Variants in CPT1A observed in about 807,000 individuals in gnomAD.
CPT1A encodes carnitine palmitoyltransferase 1A, also known as carnitine O-palmitoyltransferase 1, liver isoform.
In CPT1A, 64 loss-of-function variants were observed where a neutral mutation model predicts 100.8. That is an observed-to-expected ratio of 0.63 (90% CI 0.52 to 0.78). CPT1A has a LOEUF of 0.78. Among genes scored for constraint, CPT1A ranks in the 30% least tolerant of loss-of-function variants. The pLI is 0.00. For synonymous variants in CPT1A, 363 were observed against 396.0 expected (o/e 0.92, Z 0.99); for missense variants, 802 against 1,034.1 (o/e 0.78, Z 3.08).
chr11:68,812,439 C>A lies in CPT1A; in HGVS notation c.279G>T (p.Thr93=), dbSNP rs375467139. 3.7e-6 allele frequency: 6 copies of A among 1,614,178 alleles called. No individual in the cohort carries two copies. The highest frequency in any genetic ancestry group is 5.1e-6 in the Non-Finnish European group (6 of 1,180,018). ...IIAKINRTLE[T]ANCMSSQTKN... is the part of the protein sequence containing the mutation. ...GGAGATTTCACAGGATTACTTACGC[C>A]GTTTCCAGAGTCCGATTGATTTTTG... The change falls in exon 3 of 19, where the codon ACG becomes ACT. Residue 93 remains threonine (T), a splice_region_variant and synonymous_variant. Transcript: ENST00000265641.
Position 68,755,092 on chromosome 11 carries a change from G to T in CPT1A, c.*2552C>A. The stretch of plus-strand genomic sequence containing the variant: ...CACCCCCCTTGGACATGTACAATAA[G>T]ACCCCTCTTTCTCCCCTCAAGGAAT... On this transcript the variant is annotated 3_prime_UTR_variant, in exon 19 of 19. Coordinates refer to ENST00000265641, the MANE Select transcript of CPT1A (RefSeq NM_001876.4). 1 of 493,716 alleles carries T rather than the reference G, an allele frequency of 2.0e-6. No homozygotes were observed. Among genetic ancestry groups the T allele is most frequent in the Non-Finnish European group, 3.6e-6 (1 of 276,566 alleles). The allele number at this position is 493,716 out of a possible 1,614,324, so 30.6% of individuals were successfully genotyped here. A position where few individuals can be genotyped will look rare whatever the true frequency, so the allele number is the denominator to read the frequency against.
chr11:68,837,509 C>G (rs537961629), intron 1 of CPT1A, among the ~76,000 whole-genome samples: 1 of 152,158 alleles, frequency 6.6e-6, no homozygotes, highest in Non-Finnish European at 1.5e-5. Flanking sequence ...AGAATAGGGA[C>G]GTGGTCTCGG....
intron 1 of CPT1A, among the ~76,000 whole-genome samples, chr11:68,825,661 C>T (rs1380653818): frequency 6.6e-6 from 1 of 152,002 alleles, no homozygotes; most frequent in African/African-American, 2.4e-5. Flanking sequence ...CAGTGCCCGC[C>T]TCCCCGAGTG....
chr11:68,823,969 G>A (rs770402232), intron 1 of CPT1A, among the ~76,000 whole-genome samples: 10 of 151,974 alleles, frequency 6.6e-5, no homozygotes, highest in Non-Finnish European at 1.2e-4. Flanking sequence ...GTGACAGGCC[G>A]GGTGCGGTGG....
At chr11:68,817,741 A>C (rs1338437898) in intron 1 of CPT1A, among the ~76,000 whole-genome samples, 1 of 99,216 alleles carries the variant, frequency 1.0e-5, no homozygotes. Flanking sequence ...GGGGTCAAGG[A>C]CAGGCTGTTG....
intron 5 of CPT1A, among the ~76,000 whole-genome samples, chr11:68,800,051 A>G (rs1405492399): frequency 6.6e-6 from 1 of 152,090 alleles, no homozygotes; most frequent in Non-Finnish European, 1.5e-5. Context: ...GTTCTGACCT[A>G]AGTAAGTTTT....
At chr11:68,812,690 G>A in intron 2 of CPT1A, 114 bp from the exon 3 acceptor site, 1 of 1,237,404 alleles carries the variant, frequency 8.1e-7, no homozygotes, top group Non-Finnish European at 1.2e-6. Flanking sequence ...AGAAGAGGGT[G>A]TGGACAGCGT....
intron 17 of CPT1A, among the ~76,000 whole-genome samples, chr11:68,760,009 C>G (rs983021109): frequency 2.0e-5 from 3 of 152,094 alleles, no homozygotes; most frequent in Non-Finnish European, 4.4e-5. Flanking sequence ...TTACTGCACT[C>G]CAGCCTGGGT....
At position 68,841,550 on chromosome 11, in the gene CPT1A, C is replaced by T. The variant is rs1857158988; in HGVS notation, c.-14+225G>A. Among the ~76,000 whole-genome samples, 1 of 152,206 alleles carries T rather than the reference C, an allele frequency of 6.6e-6. No homozygotes were observed. Among genetic ancestry groups the T allele is most frequent in the Admixed American group, 6.5e-5 (1 of 15,288 alleles). ...GACCGACCCCCGGTGGACCCTCAGACCCAATCCCCTGGGGAACATGGGGAG... is the reference window on the plus strand; with the variant it reads ...GACCGACCCCCGGTGGACCCTCAGATCCAATCCCCTGGGGAACATGGGGAG... On this transcript the variant is annotated intron_variant, in intron 1 of 18. Transcript: ENST00000265641. This position sits in a 1 kb window ranked among gnomAD's most constrained non-coding sequence, Gnocchi z 6.3.
chr11:68,763,462 CGT>C (rs1854694085), intron 14 of CPT1A, among the ~76,000 whole-genome samples: 1 of 152,002 alleles, frequency 6.6e-6, no homozygotes, highest in African/African-American at 2.4e-5. Context: ...AATTCCACTG[CGT>C]CTGGAAGATG....
chr11:68,811,065 T>A (rs958602755), intron 3 of CPT1A, among the ~76,000 whole-genome samples: 1 of 152,196 alleles, frequency 6.6e-6, no homozygotes, highest in Non-Finnish European at 1.5e-5. Flanking sequence ...ATTTTCTTAT[T>A]TCTTTCTGAT....
intron 9 of CPT1A, among the ~76,000 whole-genome samples, chr11:68,788,932 C>T (rs1410892914): frequency 6.6e-6 from 1 of 152,130 alleles, no homozygotes; most frequent in Non-Finnish European, 1.5e-5. Context: ...GCCGGCAAGC[C>T]AATTCTAGGT....
intron 1 of CPT1A, among the ~76,000 whole-genome samples, chr11:68,838,189 G>A (rs576058813): frequency 1.5e-4 from 23 of 152,162 alleles, no homozygotes; most frequent in African/African-American, 5.3e-4. Flanking sequence ...CCCTGGAGAG[G>A]GCACGCCTCA....
At chr11:68,790,554 C>A (rs1370481279) in intron 9 of CPT1A, among the ~76,000 whole-genome samples, 1 of 152,076 alleles carries the variant, frequency 6.6e-6, no homozygotes, top group Non-Finnish European at 1.5e-5. Flanking sequence ...GCACCTGGAC[C>A]CCCCCAGAAG....
chr11:68,774,781 CAAAA>C lies in CPT1A; in HGVS notation c.1575+531_1575+534del, dbSNP rs1169875761. Among the ~76,000 whole-genome samples the C allele has an allele frequency of 1.8e-5, 1 of 54,272 alleles. No homozygotes were observed. 35.6% of individuals were successfully genotyped at this position (54,272 alleles called of 152,430 possible). On this transcript the variant is annotated intron_variant, in intron 13 of 18. Transcript: ENST00000265641. ...TGGGTGACAGTGCGAGACTACATCTCAAAAAAAAAAAAAAAAAAGAAAAAGAAAA... is the reference window on the plus strand; with the variant it reads ...TGGGTGACAGTGCGAGACTACATCTCAAAAAAAAAAAAAAGAAAAAGAAAA...
At position 68,802,553 on chromosome 11, in the gene CPT1A, C is replaced by G. The variant is rs376892124; in HGVS notation, c.555+1447G>C. ...GAGACCATCCTGGCTACAGTGAAAC[C>G]CCGTCTCCACTAAAAATACAAAAAA... On this transcript the variant is annotated intron_variant, in intron 5 of 18. Coordinates refer to ENST00000265641, the MANE Select transcript of CPT1A (RefSeq NM_001876.4). Among the ~76,000 whole-genome samples the G allele has an allele frequency of 4.6e-5, 7 of 151,524 alleles. No individual in the cohort carries two copies. The East Asian group carries it at 9.7e-4, about 21-fold the overall frequency.
At chr11:68,780,998 T>C (rs903533438) in intron 11 of CPT1A, among the ~76,000 whole-genome samples, 1 of 152,190 alleles carries the variant, frequency 6.6e-6, no homozygotes, top group African/African-American at 2.4e-5. Context: ...CCTGTTGTTA[T>C]CGCAAGGCAA....
intron 13 of CPT1A, chr11:68,773,796 T>C (rs1307833738): frequency 1.6e-5 from 5 of 316,380 alleles, no homozygotes; most frequent in Non-Finnish European, 2.5e-5. Flanking sequence ...TAGATAGAAA[T>C]GGAGCTGGTG....
At chr11:68,772,284 TGGA>T (rs1365379745) in intron 14 of CPT1A, among the ~76,000 whole-genome samples, 3 of 151,108 alleles carry the variant, frequency 2.0e-5, no homozygotes, top group Middle Eastern at 3.4e-3. Context: ...ACCCGGGAGG[TGGA>T]GGTTGCAGTG....
Sources: allele counts gnomAD v4.1 joint callset (sites outside exome capture counted in the v4.1 genomes callset), GRCh38; gene constraint gnomAD v4.1.1; non-coding constraint Gnocchi (gnomAD v3.1); transcripts MANE v1.5; gene names NCBI Gene and HGNC (gene_info 2026-07-23, HGNC 2026-07-21).